The following DCAF10 variants were observed in gnomAD, a reference collection of about 807,000 sequenced individuals.
DCAF10 encodes the protein DDB1 and CUL4 associated factor 10.
A neutral mutation model predicts 51.9 loss-of-function variants in DCAF10; 19 were observed. The ratio of observed to expected loss-of-function variants is 0.37; its 90% CI spans 0.26 to 0.54. The LOEUF is 0.54. Ranked by LOEUF, DCAF10 falls within the 20% of genes least tolerant of loss-of-function variation. The pLI is 0.87. For missense variants in DCAF10, 510 were observed against 730.6 expected (o/e 0.70, Z 3.48); for synonymous variants, 291 against 297.1 (o/e 0.98, Z 0.21).
At chr9:37,839,027 A>G in intron 2 of DCAF10, among the ~76,000 whole-genome samples, 1 of 152,024 alleles carries the variant, frequency 6.6e-6, no homozygotes. Context: ...ACATCAATAA[A>G]GTGGTTATTT....
chr9:37,849,702 G>A (rs1830576483), intron 3 of DCAF10, among the ~76,000 whole-genome samples: 1 of 152,156 alleles, frequency 6.6e-6, no homozygotes, highest in South Asian at 2.1e-4. Context: ...CCAATATAGT[G>A]AAACCCCGTG....
chr9:37,851,800 T>A (rs900703495), intron 3 of DCAF10, among the ~76,000 whole-genome samples: 2 of 149,050 alleles, frequency 1.3e-5, no homozygotes, highest in Admixed American at 6.7e-5. Flanking sequence ...AATAAATAAA[T>A]AAATAAATAA....
chr9:37,866,831 A>G lies in DCAF10; in HGVS notation c.*5323A>G, dbSNP rs1437168290. On this transcript the variant is annotated 3_prime_UTR_variant, in exon 7 of 7. Coordinates refer to ENST00000377724, the MANE Select transcript of DCAF10 (RefSeq NM_024345.5). ...AAACAGCAAGGTACCAAAGTACAGC[A>G]AAGCAACAACAAAGGCTCTGTATTT... is the stretch of plus-strand genomic sequence containing the variant. 1 of 152,678 alleles carries G rather than the reference A, an allele frequency of 6.5e-6. No individual in the cohort carries two copies. The highest frequency in any genetic ancestry group is 1.5e-5 in the Non-Finnish European group (1 of 68,054). 9.5% of individuals were successfully genotyped at this position (152,678 alleles called of 1,614,324 possible).
At chr9:37,844,112 C>T (rs1278572797) in intron 3 of DCAF10, among the ~76,000 whole-genome samples, 2 of 152,176 alleles carry the variant, frequency 1.3e-5, no homozygotes, top group Non-Finnish European at 2.9e-5. Flanking sequence ...CGCCTAAAAA[C>T]ATAGCATAAA....
chr9:37,805,706 T>C (rs773442586), intron 1 of DCAF10, among the ~76,000 whole-genome samples: 1 of 151,944 alleles, frequency 6.6e-6, no homozygotes, highest in Non-Finnish European at 1.5e-5. Flanking sequence ...CAAGATATAA[T>C]AAATAAAAAG....
chr9:37,847,339 A>T (rs1229896943), intron 3 of DCAF10, among the ~76,000 whole-genome samples: 2 of 151,482 alleles, frequency 1.3e-5, no homozygotes, highest in Non-Finnish European at 1.5e-5. Context: ...ACAAAATATT[A>T]GCAAATCTAA....
In DCAF10 at chr9:37,861,202, T is replaced by A; in HGVS notation, c.1374T>A (p.Ser458=). 6.2e-7 allele frequency: 1 copy of A among 1,613,608 alleles called. No homozygotes were observed. Among genetic ancestry groups the A allele is most frequent in the Non-Finnish European group, 8.5e-7 (1 of 1,179,516 alleles). Residue 458 remains serine (S), a synonymous_variant, in exon 7 of 7, where the codon TCT becomes TCA. Transcript: ENST00000377724. This position sits in a 1 kb window ranked among gnomAD's most constrained non-coding sequence, Gnocchi z 4.9. ...APVRPVSPRC[S]LRLTHYIEEA... is the part of the protein sequence containing the mutation. ...TGCGACCTGTCTCACCTCGCTGTTC[T>A]CTACGACTGACTCATTACATTGAAG... is the stretch of plus-strand genomic sequence containing the variant.
At chr9:37,830,776 C>T (rs770771450) in intron 2 of DCAF10, among the ~76,000 whole-genome samples, 3 of 152,158 alleles carry the variant, frequency 2.0e-5, no homozygotes, top group Admixed American at 6.5e-5. Flanking sequence ...TTGGCTAATC[C>T]GCTATTAGAA....
intron 1 of DCAF10, among the ~76,000 whole-genome samples, chr9:37,813,182 C>T (rs1829407584): frequency 6.6e-6 from 1 of 152,188 alleles, no homozygotes; most frequent in Non-Finnish European, 1.5e-5. Flanking sequence ...CTCACGGCAA[C>T]CTCCAACTCC....
At chr9:37,849,678 C>G (rs1222327160) in intron 3 of DCAF10, among the ~76,000 whole-genome samples, 1 of 152,038 alleles carries the variant, frequency 6.6e-6, no homozygotes, top group Admixed American at 6.6e-5. Flanking sequence ...GTCAGGAGTT[C>G]GAGACCAGCC....
At chr9:37,808,518 A>ATTATATAAATATATAAAACATATATTT (rs1829198405) in intron 1 of DCAF10, among the ~76,000 whole-genome samples, 1 of 116,298 alleles carries the variant, frequency 8.6e-6, no homozygotes, top group African/African-American at 3.4e-5. Flanking sequence ...ATATTTATAT[A>ATTATATAAATATATAAAACATATATTT]ATATATTATA....
chr9:37,839,306 C>T (rs1039754873), intron 2 of DCAF10, among the ~76,000 whole-genome samples: 19 of 152,066 alleles, frequency 1.2e-4, no homozygotes, highest in Admixed American at 2.0e-4. Context: ...GTGATCCACC[C>T]GCCTCAGCCT....
At chr9:37,811,205 G>A (rs912585194) in intron 1 of DCAF10, among the ~76,000 whole-genome samples, 13 of 151,600 alleles carry the variant, frequency 8.6e-5, no homozygotes, top group East Asian at 1.9e-4. Context: ...GGTGGTGTGC[G>A]CCTGCCATAC....
chr9:37,835,991 A>G (rs1830152700), intron 2 of DCAF10: 5 of 988,034 alleles, frequency 5.1e-6, no homozygotes, highest in Non-Finnish European at 8.1e-6. Context: ...AAATTCCCCA[A>G]TCCCTGCCAG....
At chr9:37,838,190 TCAG>T (rs1830230141) in intron 2 of DCAF10, among the ~76,000 whole-genome samples, 1 of 152,180 alleles carries the variant, frequency 6.6e-6, no homozygotes, top group Admixed American at 6.5e-5. Context: ...AGTTGTAAAA[TCAG>T]CAAGGAACAT....
intron 1 of DCAF10, among the ~76,000 whole-genome samples, chr9:37,803,412 TTTTATA>T (rs145778307): frequency 0.019 from 2,963 of 152,108 alleles, 95 homozygotes; most frequent in African/African-American, 0.068. Context: ...TGAACAAATA[TTTTATA>T]TTTATATCTT....
At chr9:37,848,707 C>G (rs1005906631) in intron 3 of DCAF10, among the ~76,000 whole-genome samples, 1 of 151,394 alleles carries the variant, frequency 6.6e-6, no homozygotes, top group Non-Finnish European at 1.5e-5. Context: ...CATGGTGGCT[C>G]ACACCTGTAA....
At position 37,802,370 on chromosome 9, in the gene DCAF10, T is replaced by C. The variant is rs532663846; in HGVS notation, c.539+965T>C. Reference sequence around the variant, plus strand: ...ATTGAGATAAAGTCTTGAAGGAATCTGTTATGGACACTGTGTTCACGGATT... The same window carrying C: ...ATTGAGATAAAGTCTTGAAGGAATCCGTTATGGACACTGTGTTCACGGATT... On this transcript the variant is annotated intron_variant, in intron 1 of 6. Coordinates refer to ENST00000377724, the MANE Select transcript of DCAF10 (RefSeq NM_024345.5). Among the ~76,000 whole-genome samples the C allele has an allele frequency of 2.0e-5, 3 of 152,340 alleles. No individual in the cohort carries two copies. In the East Asian group the frequency reaches 5.8e-4, roughly 29 times the overall value.
rs1831143329 is a variant in DCAF10 at position 37,866,644 on chromosome 9, G to C, written c.*5136G>C. ...GCTGGACAAACTCTGGGGGGACACA[G>C]TCTTTGAGACAGCTCTTTTGGTTGC... On this transcript the variant is annotated 3_prime_UTR_variant, in exon 7 of 7. Transcript: ENST00000377724. 1 of 152,600 alleles carries C rather than the reference G, an allele frequency of 6.6e-6. No individual in the cohort carries two copies. The highest frequency in any genetic ancestry group is 6.5e-5 in the Admixed American group (1 of 15,268). 9.5% of individuals were successfully genotyped at this position (152,600 alleles called of 1,614,324 possible).
Sources: gnomAD v4.1 joint callset for allele counts (sites outside exome capture counted in the v4.1 genomes callset) on GRCh38, gnomAD v4.1.1 for gene constraint, Gnocchi (gnomAD v3.1) non-coding constraint, MANE v1.5 for transcripts, NCBI Gene and HGNC (gene_info 2026-07-23, HGNC 2026-07-21) for gene names.